COL14A1: variants seen among roughly 807,000 people sequenced by gnomAD.
COL14A1 encodes collagen type XIV alpha 1 chain.
Under a neutral mutation model 230.3 loss-of-function variants are expected in COL14A1, and 136 were observed. That is an observed-to-expected ratio of 0.59 (90% CI 0.51 to 0.68). The LOEUF (loss-of-function observed/expected upper bound fraction) is 0.68, where lower values mean the gene tolerates loss of function less well. COL14A1 is among the 30% of genes least tolerant of loss of function. COL14A1 has a pLI of 0.00. For missense variants in COL14A1, 1,976 were observed against 2,215.8 expected (o/e 0.89, Z 2.17); for synonymous variants, 792 against 784.1 (o/e 1.01, Z -0.17).
intron 5 of COL14A1, among the ~76,000 whole-genome samples, chr8:120,188,573 C>G (rs914698083): frequency 2.0e-5 from 3 of 152,142 alleles, no homozygotes; most frequent in Admixed American, 1.3e-4. Flanking sequence ...TCTTTGTAAT[C>G]AAGGCCATAT....
intron 7 of COL14A1, among the ~76,000 whole-genome samples, chr8:120,198,844 G>C (rs1490165459): frequency 1.3e-5 from 2 of 152,130 alleles, no homozygotes; most frequent in African/African-American, 4.8e-5. Flanking sequence ...GCAAAGTCTC[G>C]TGGAATTTTT....
intron 5 of COL14A1, among the ~76,000 whole-genome samples, chr8:120,173,832 T>C (rs966192003): frequency 2.6e-5 from 4 of 152,202 alleles, no homozygotes; most frequent in Non-Finnish European, 5.9e-5. Context: ...TCTACTCATA[T>C]GGTCAATCAT....
At chr8:120,128,679 T>C (rs1381312560) in intron 1 of COL14A1, among the ~76,000 whole-genome samples, 1 of 152,198 alleles carries the variant, frequency 6.6e-6, no homozygotes, top group East Asian at 1.9e-4. Flanking sequence ...TAGGAAATTC[T>C]GAGCGTTCTT....
chr8:120,322,558 A>G (rs1287963621), intron 40 of COL14A1, among the ~76,000 whole-genome samples: 1 of 151,956 alleles, frequency 6.6e-6, no homozygotes, highest in Admixed American at 6.6e-5. Context: ...TCCTTCACCC[A>G]CTGATAGGCC....
rs371105689 is a variant in COL14A1 at position 120,134,551 on chromosome 8, A to C, written c.-38+9211A>C. Among the ~76,000 whole-genome samples, 26 of 152,282 alleles carry C rather than the reference A, an allele frequency of 1.7e-4. No individual in the cohort carries two copies. The East Asian group carries it at 4.6e-3, about 27-fold the overall frequency. ...GGAAAATGCTATAATTCCAAAGGAG[A>C]AAGAGACTTATATGCATGTCATAAA... is the stretch of plus-strand genomic sequence containing the variant. On this transcript the variant is annotated intron_variant, in intron 1 of 47. Coordinates refer to ENST00000297848, the MANE Select transcript of COL14A1 (RefSeq NM_021110.4).
In COL14A1 at chr8:120,216,361, T is replaced by G. The variant is rs1347604990; in HGVS notation, c.1608T>G (p.Ser536Arg). The stretch of plus-strand genomic sequence containing the variant: ...CCATTTACTGCCAAGTGGCTTTAAG[T>G]CCACCAAGAAACCTGAGAATCTCCA... ...VTGQETTLALSPPRNLRISNV... is the reference protein window; with the variant it reads ...VTGQETTLALRPPRNLRISNV... The change falls in exon 14 of 48, where the codon AGT becomes AGG. Residue 536 changes from serine (S) to arginine (R), a missense_variant. Physicochemically the swap from Ser to Arg is moderately radical, Grantham distance 110. Coordinates refer to ENST00000297848, the MANE Select transcript of COL14A1 (RefSeq NM_021110.4). The G allele has an allele frequency of 6.2e-7, 1 of 1,609,746 alleles. No homozygotes were observed. The highest frequency in any genetic ancestry group is 1.3e-5 in the African/African-American group (1 of 74,494).
rs141281813 is a variant in COL14A1, at chr8:120,183,681, C to T, written c.437-13110C>T. The stretch of plus-strand genomic sequence containing the variant: ...TATTCTTAAGCTGAAGGTCTCTGAG[C>T]GAGTGCTGAAATGTTGTTTCGGCTG... On this transcript the variant is annotated intron_variant, in intron 5 of 47. Coordinates refer to ENST00000297848, the MANE Select transcript of COL14A1 (RefSeq NM_021110.4). 3.6e-3 allele frequency among the ~76,000 whole-genome samples: 544 copies of T among 152,290 alleles called. 1 individual carries two copies. Among genetic ancestry groups the T allele is most frequent in the African/African-American group, 0.012 (519 of 41,542 alleles).
chr8:120,271,990 G>A (rs1819678953), intron 26 of COL14A1, among the ~76,000 whole-genome samples: 1 of 151,606 alleles, frequency 6.6e-6, no homozygotes, highest in Admixed American at 6.6e-5. Flanking sequence ...GCCTGGACTA[G>A]GGTGGTAGCA....
At chr8:120,182,744 T>G (rs577400495) in intron 5 of COL14A1, among the ~76,000 whole-genome samples, 99 of 149,642 alleles carry the variant, frequency 6.6e-4, no homozygotes, top group Middle Eastern at 3.4e-3. Flanking sequence ...TTTTTTTTTT[T>G]GAGGTGGAGT....
At chr8:120,312,361 C>A (rs922585997) in intron 37 of COL14A1, among the ~76,000 whole-genome samples, 1 of 152,114 alleles carries the variant, frequency 6.6e-6, no homozygotes, top group East Asian at 1.9e-4. Flanking sequence ...TATGAAAATT[C>A]TCTCATAAAA....
intron 40 of COL14A1, among the ~76,000 whole-genome samples, chr8:120,327,157 T>C (rs1406564474): frequency 6.6e-6 from 1 of 152,216 alleles, no homozygotes; most frequent in East Asian, 1.9e-4. Flanking sequence ...CAGAATAAAA[T>C]GCATTGTAGT....
intron 42 of COL14A1, among the ~76,000 whole-genome samples, chr8:120,339,645 A>G (rs1317669371): frequency 6.6e-6 from 1 of 152,188 alleles, no homozygotes. Context: ...CCAAAGTATT[A>G]GCATAAAAAA....
chr8:120,140,022 T>TA (rs899622533), intron 1 of COL14A1, among the ~76,000 whole-genome samples: 21 of 151,818 alleles, frequency 1.4e-4, no homozygotes, highest in Admixed American at 7.2e-4. Flanking sequence ...ACAGAGATCC[T>TA]AAAAAAAACC....
chr8:120,168,123 T>C (rs752377030), intron 4 of COL14A1, 38 bp from the exon 5 acceptor site: 30 of 1,360,474 alleles, frequency 2.2e-5, no homozygotes, highest in African/African-American at 2.9e-5. Flanking sequence ...TTTTAGATTT[T>C]AGTATAACAT....
intron 10 of COL14A1, 87 bp from the exon 11 acceptor site, chr8:120,208,145 T>A: frequency 7.7e-7 from 1 of 1,304,476 alleles, no homozygotes; most frequent in Non-Finnish European, 1.0e-6. Context: ...AATGAAATAT[T>A]TTTGCTGGAC....
At chr8:120,299,340 C>T (rs1563725224) in intron 35 of COL14A1, among the ~76,000 whole-genome samples, 1 of 152,052 alleles carries the variant, frequency 6.6e-6, no homozygotes, top group East Asian at 1.9e-4. Context: ...ATTTCTTCAC[C>T]AAAATAAGTT....
At chr8:120,220,140 G>A (rs1000306296) in intron 14 of COL14A1, among the ~76,000 whole-genome samples, 12 of 151,978 alleles carry the variant, frequency 7.9e-5, no homozygotes, top group African/African-American at 2.9e-4. Flanking sequence ...ATTAGATTTT[G>A]CTTTAATTTC....
chr8:120,185,774 TTC>T (rs897387347), intron 5 of COL14A1, among the ~76,000 whole-genome samples: 2 of 152,198 alleles, frequency 1.3e-5, no homozygotes, highest in Non-Finnish European at 2.9e-5. Context: ...ATTTTCTTTT[TTC>T]TCTTTTTTAT....
chr8:120,164,886 T>C (rs1052392712), intron 4 of COL14A1, among the ~76,000 whole-genome samples: 1 of 152,190 alleles, frequency 6.6e-6, no homozygotes, highest in African/African-American at 2.4e-5. Context: ...GGTTTTGCAA[T>C]TGATTATTTC....
Sources: gnomAD v4.1 joint callset for allele counts (sites outside exome capture counted in the v4.1 genomes callset) on GRCh38, gnomAD v4.1.1 for gene constraint, MANE v1.5 for transcripts, NCBI Gene and HGNC (gene_info 2026-07-23, HGNC 2026-07-21) for gene names.